Variants in NKAIN2 observed in about 807,000 individuals in gnomAD.
NKAIN2 encodes sodium/potassium transporting ATPase interacting 2, also known as sodium/potassium-transporting ATPase subunit beta-1-interacting protein 2.
Under a neutral mutation model 32.6 loss-of-function variants are expected in NKAIN2, and 14 were observed. The ratio of observed to expected loss-of-function variants is 0.43; its 90% CI spans 0.28 to 0.67. NKAIN2 has a LOEUF of 0.67. Among genes scored for constraint, NKAIN2 ranks in the 30% least tolerant of loss-of-function variants. The pLI is 0.17. For missense variants in NKAIN2, 198 were observed against 258.3 expected, an observed-to-expected ratio of 0.77 and a Z score of 1.60; for synonymous variants, 80 against 87.2, an observed-to-expected ratio of 0.92 and a Z score of 0.46.
chr6:124,193,139 G>A (rs905469319), intron 1 of NKAIN2, among the ~76,000 whole-genome samples: 7 of 152,128 alleles, frequency 4.6e-5, no homozygotes, highest in Non-Finnish European at 8.8e-5. Context: ...TTATGTTATG[G>A]CATACTTCAG....
At chr6:123,876,134 A>C (rs941770797) in intron 1 of NKAIN2, among the ~76,000 whole-genome samples, 1 of 152,096 alleles carries the variant, frequency 6.6e-6, no homozygotes, top group Non-Finnish European at 1.5e-5. Context: ...TTTCACTGGA[A>C]TTTCATTAAA....
At chr6:124,632,457 A>ATTAT (rs1783607544) in intron 3 of NKAIN2, among the ~76,000 whole-genome samples, 1 of 152,158 alleles carries the variant, frequency 6.6e-6, no homozygotes, top group South Asian at 2.1e-4. Flanking sequence ...TTGCAACGAA[A>ATTAT]TGATTGAATT....
chr6:124,444,713 T>C (rs1375770473), intron 3 of NKAIN2, among the ~76,000 whole-genome samples: 1 of 152,018 alleles, frequency 6.6e-6, no homozygotes, highest in Non-Finnish European at 1.5e-5. Context: ...GAACATGAAT[T>C]TCTATCTCCT....
At chr6:124,182,800 T>A (rs576006603) in intron 1 of NKAIN2, among the ~76,000 whole-genome samples, 1 of 152,142 alleles carries the variant, frequency 6.6e-6, no homozygotes, top group Non-Finnish European at 1.5e-5. Flanking sequence ...TGAGGTATTG[T>A]TGTAACTTAA....
intron 3 of NKAIN2, among the ~76,000 whole-genome samples, chr6:124,383,073 G>A (rs1772718126): frequency 6.6e-6 from 1 of 152,086 alleles, no homozygotes. Flanking sequence ...CTTTAATTAT[G>A]TTGTTCCTCC....
chr6:123,828,885 G>T lies in NKAIN2; in HGVS notation c.54+24631G>T, dbSNP rs1288931035. ...CTGGGAAGCTCTCCCTGACCTTCAG[G>T]CCAGATCAGGTTCCCTGTTACAAGC... On this transcript the variant is annotated intron_variant, in intron 1 of 6. Coordinates refer to ENST00000368417, the MANE Select transcript of NKAIN2 (RefSeq NM_001040214.3). 2 of 152,044 alleles carry T rather than the reference G, an allele frequency of 1.3e-5. 1 individual carries two copies. The highest frequency in any genetic ancestry group is 4.1e-4 in the South Asian group (2 of 4,828). 9.4% of individuals were successfully genotyped at this position (152,044 alleles called of 1,614,324 possible).
chr6:124,491,208 C>T (rs1021305719), intron 3 of NKAIN2, among the ~76,000 whole-genome samples: 1 of 151,604 alleles, frequency 6.6e-6, no homozygotes, highest in African/African-American at 2.4e-5. Context: ...ACCATTGTGC[C>T]CATTTTGCAG....
chr6:124,506,059 T>TATAC (rs2114760141), intron 3 of NKAIN2, among the ~76,000 whole-genome samples: 1 of 152,116 alleles, frequency 6.6e-6, no homozygotes, highest in East Asian at 1.9e-4. Flanking sequence ...CAGGCGCCTG[T>TATAC]AGTCCCAGCT....
At chr6:123,860,032 C>G (rs893632073) in intron 1 of NKAIN2, among the ~76,000 whole-genome samples, 1 of 152,120 alleles carries the variant, frequency 6.6e-6, no homozygotes, top group Non-Finnish European at 1.5e-5. Context: ...CAAAAATGTC[C>G]CCTTTTAGTT....
At chr6:124,157,628 T>C (rs1788058259) in intron 1 of NKAIN2, among the ~76,000 whole-genome samples, 1 of 152,200 alleles carries the variant, frequency 6.6e-6, no homozygotes, top group African/African-American at 2.4e-5. Flanking sequence ...GAGTATCTTA[T>C]TTACTCTATT....
chr6:124,626,065 G>C (rs1384044192), intron 3 of NKAIN2, among the ~76,000 whole-genome samples: 3 of 148,744 alleles, frequency 2.0e-5, no homozygotes, highest in Admixed American at 1.3e-4. Context: ...TTAGCATTAG[G>C]TATATCTCCT....
At chr6:124,198,061 A>G (rs2114614491) in intron 1 of NKAIN2, among the ~76,000 whole-genome samples, 1 of 152,074 alleles carries the variant, frequency 6.6e-6, no homozygotes, top group African/African-American at 2.4e-5. Context: ...TCATTGCTGT[A>G]TGTACTTGTT....
intron 3 of NKAIN2, among the ~76,000 whole-genome samples, chr6:124,419,197 C>T (rs1774636329): frequency 6.6e-6 from 1 of 151,978 alleles, no homozygotes; most frequent in Non-Finnish European, 1.5e-5. Context: ...CTACTTTATT[C>T]TTCTCTAGTC....
At chr6:124,455,545 TATG>T (rs1475204330) in intron 3 of NKAIN2, among the ~76,000 whole-genome samples, 2 of 152,056 alleles carry the variant, frequency 1.3e-5, no homozygotes, top group Non-Finnish European at 1.5e-5. Context: ...GATAAATGAC[TATG>T]ATGATATTAA....
intron 1 of NKAIN2, among the ~76,000 whole-genome samples, chr6:124,121,045 G>C (rs2114988535): frequency 6.6e-6 from 1 of 152,198 alleles, no homozygotes; most frequent in East Asian, 1.9e-4. Flanking sequence ...GCTAAATAAA[G>C]ATCAATAAAA....
chr6:124,170,716 C>T (rs1788800431), intron 1 of NKAIN2, among the ~76,000 whole-genome samples: 1 of 151,998 alleles, frequency 6.6e-6, no homozygotes, highest in African/African-American at 2.4e-5. Flanking sequence ...ATTTAGAATA[C>T]GAAAGTATAA....
chr6:123,844,158 A>G (rs898894248), intron 1 of NKAIN2, among the ~76,000 whole-genome samples: 4 of 152,174 alleles, frequency 2.6e-5, no homozygotes, highest in Admixed American at 2.6e-4. Flanking sequence ...AGCACTCAGC[A>G]TGCCAAAGTG....
chr6:124,298,200 G>T (rs2114967253), intron 2 of NKAIN2, among the ~76,000 whole-genome samples: 1 of 152,082 alleles, frequency 6.6e-6, no homozygotes, highest in South Asian at 2.1e-4. Flanking sequence ...ATATTTTTCT[G>T]AATAGGGTTT....
intron 5 of NKAIN2, among the ~76,000 whole-genome samples, chr6:124,813,184 T>C (rs1000749014): frequency 6.6e-6 from 1 of 151,972 alleles, no homozygotes; most frequent in African/African-American, 2.4e-5. Flanking sequence ...CTCTTAAAGA[T>C]ACATTACAAA....
Sources: gnomAD v4.1 joint callset for allele counts (sites outside exome capture counted in the v4.1 genomes callset) on GRCh38, gnomAD v4.1.1 for gene constraint, MANE v1.5 for transcripts, NCBI Gene and HGNC (gene_info 2026-07-23, HGNC 2026-07-21) for gene names.